Variants in MROH1 observed in about 807,000 individuals in gnomAD.
MROH1 encodes maestro heat like repeat family member 1, also known as maestro heat-like repeat-containing protein family member 1.
A neutral mutation model predicts 116.5 loss-of-function variants in MROH1; 117 were observed. The ratio of observed to expected loss-of-function variants is 1.00; its 90% CI spans 0.86 to 1.17. The LOEUF is 1.17. MROH1 is among the 50% of genes most tolerant of loss of function. The probability of loss-of-function intolerance (pLI) is 0.00; values close to 1 mark genes in which losing one functional copy is unlikely to be tolerated. For missense variants in MROH1, 1,873 were observed against 1,338.5 expected, an observed-to-expected ratio of 1.40 and a Z score of -6.23; for synonymous variants, 921 against 583.9, an observed-to-expected ratio of 1.58 and a Z score of -8.32.
chr8:144,241,620 T>A (rs1840993222), intron 22 of MROH1, 103 bp downstream of exon 22: 1 of 762,580 alleles, frequency 1.3e-6, no homozygotes, highest in Admixed American at 1.7e-5. Flanking sequence ...GCTGGTTGCG[T>A]CCCTGGACCA....
Position 144,250,193 on chromosome 8 carries a change from G to C in MROH1, c.3274-19G>C. ...GTCCCCCACGCGTGGCCTGACCACCGTGTCCCGCCCATCTACAGGTGCCCG... is the reference window on the plus strand; with the variant it reads ...GTCCCCCACGCGTGGCCTGACCACCCTGTCCCGCCCATCTACAGGTGCCCG... On this transcript the variant is annotated intron_variant, in intron 32 of 43. Transcript: ENST00000326134. 1 of 763,036 alleles carries C rather than the reference G, an allele frequency of 1.3e-6. No individual in the cohort carries two copies. Among genetic ancestry groups the C allele is most frequent in the Admixed American group, 1.7e-5 (1 of 58,478 alleles). 47.3% of individuals were successfully genotyped at this position (763,036 alleles called of 1,614,324 possible).
At chr8:144,213,292 A>T in intron 12 of MROH1, 1 of 552,238 alleles carries the variant, frequency 1.8e-6, no homozygotes, top group East Asian at 2.7e-5. Context: ...TCATGGGAAC[A>T]TGATCTTCGA....
At chr8:144,235,978 C>T (rs1013066439) in intron 14 of MROH1, among the ~76,000 whole-genome samples, 1 of 152,194 alleles carries the variant, frequency 6.6e-6, no homozygotes, top group Non-Finnish European at 1.5e-5. Flanking sequence ...ATGTTGGAAT[C>T]AGGAAATTCT....
chr8:144,242,277 C>T (rs1471032758), intron 22 of MROH1, 92 bp from the exon 23 acceptor site: 1 of 777,424 alleles, frequency 1.3e-6, no homozygotes, highest in East Asian at 2.4e-5. Flanking sequence ...GGCCCTTCTT[C>T]TGGGAGGATT....
chr8:144,216,673 A>AT lies in MROH1; in HGVS notation c.1142-3921dup, dbSNP rs542653359. On this transcript the variant is annotated intron_variant, in intron 12 of 43. Transcript: ENST00000326134. ...CTTCATTGTATTAATGGTATGTCAT[A>AT]TTTTTTACTGCTTTTTTTTTTTTTT... 1.7e-4 allele frequency among the ~76,000 whole-genome samples: 25 copies of AT among 144,812 alleles called. No individual in the cohort carries two copies. In the South Asian group the frequency reaches 5.4e-3, roughly 31 times the overall value.
rs527724661 is a variant in MROH1 at position 144,173,444 on chromosome 8, G to C, written c.168+5004G>C. On this transcript the variant is annotated intron_variant, in intron 4 of 43. Coordinates refer to ENST00000326134, the MANE Select transcript of MROH1 (RefSeq NM_032450.3). Reference sequence around the variant, plus strand: ...TTTTATTTTATTTTTTTTTTTTTGAGACAGAGTCTCACTCTTGCCCAGGCT... The same window carrying C: ...TTTTATTTTATTTTTTTTTTTTTGACACAGAGTCTCACTCTTGCCCAGGCT... Among the ~76,000 whole-genome samples the C allele has an allele frequency of 2.5e-3, 362 of 145,066 alleles. 2 individuals are homozygous for C. Among genetic ancestry groups the C allele is most frequent in the African/African-American group, 9.0e-3 (351 of 39,122 alleles).
At chr8:144,215,399 CAG>C (rs1835011586) in intron 12 of MROH1, among the ~76,000 whole-genome samples, 2 of 152,192 alleles carry the variant, frequency 1.3e-5, no homozygotes, top group South Asian at 4.1e-4. Context: ...GGACACGTAA[CAG>C]AGCAAGAAAC....
Position 144,190,852 on chromosome 8 carries a change from G to A in MROH1, c.631G>A (p.Val211Ile). Residue 211 changes from valine (V) to isoleucine (I), a missense_variant, in exon 8 of 44, where the codon GTC becomes ATC. By Grantham distance (29) the Val-to-Ile change is conservative. Transcript: ENST00000326134. ...ANLDRAPDPT[V>I]RKDAFATDIF... The stretch of plus-strand genomic sequence containing the variant: ...CCTGGACCGAGCCCCAGACCCCACG[G>A]TCAGGAAGGACGCCTTTGCCACCGA... 3 of 1,613,782 alleles carry A rather than the reference G, an allele frequency of 1.9e-6. No individual in the cohort carries two copies. Among genetic ancestry groups the A allele is most frequent in the Non-Finnish European group, 2.5e-6 (3 of 1,179,872 alleles).
chr8:144,211,150 A>G (rs751235529), intron 12 of MROH1, among the ~76,000 whole-genome samples: 2 of 152,186 alleles, frequency 1.3e-5, no homozygotes, highest in Non-Finnish European at 2.9e-5. Context: ...TTTCTCTGCC[A>G]TCTGAATTTC....
intron 43 of MROH1, 112 bp downstream of exon 43, chr8:144,261,461 C>T (rs1411204831): frequency 1.6e-5 from 11 of 697,486 alleles, no homozygotes; most frequent in Admixed American, 1.4e-4. Flanking sequence ...CACTGGTGAC[C>T]TCATCGTCTC....
chr8:144,221,237 T>A (rs1316962871), intron 13 of MROH1, among the ~76,000 whole-genome samples: 1 of 151,868 alleles, frequency 6.6e-6, no homozygotes, highest in Non-Finnish European at 1.5e-5. Flanking sequence ...CCTCTGGAGG[T>A]GGAGCTGATG....
intron 12 of MROH1, chr8:144,200,757 G>A: frequency 1.8e-6 from 1 of 542,844 alleles, no homozygotes; most frequent in Non-Finnish European, 3.4e-6. Context: ...GCTCACACTT[G>A]CTTTGACAGC....
chr8:144,209,073 G>GTGTGTGTGTA (rs1307650402), intron 12 of MROH1, among the ~76,000 whole-genome samples: 5 of 123,636 alleles, frequency 4.0e-5, no homozygotes, highest in African/African-American at 5.9e-5. Context: ...GTGTGTGTGT[G>GTGTGTGTGTA]TTTAGTGGAG....
intron 1 of MROH1, among the ~76,000 whole-genome samples, chr8:144,154,754 G>A (rs965355523): frequency 1.4e-5 from 2 of 146,926 alleles, no homozygotes; most frequent in South Asian, 2.1e-4. Flanking sequence ...TGCAACCTCC[G>A]CCTCCTGGGT....
chr8:144,225,727 T>A (rs530211987), intron 14 of MROH1, among the ~76,000 whole-genome samples: 6 of 151,654 alleles, frequency 4.0e-5, no homozygotes, highest in Non-Finnish European at 5.9e-5. Flanking sequence ...AATTTTTTAT[T>A]TTTTAAATTT....
At chr8:144,170,484 C>T (rs545776249) in intron 4 of MROH1, among the ~76,000 whole-genome samples, 1 of 152,304 alleles carries the variant, frequency 6.6e-6, no homozygotes, top group South Asian at 2.1e-4. Context: ...AGGTTTGGGT[C>T]ACAGCCTCCA....
chr8:144,247,050 C>A (rs895992793), intron 29 of MROH1, among the ~76,000 whole-genome samples: 81 of 152,340 alleles, frequency 5.3e-4, no homozygotes, highest in African/African-American at 1.9e-3. Flanking sequence ...CTTGTAGGGG[C>A]CCGGCCTGGG....
intron 35 of MROH1, among the ~76,000 whole-genome samples, chr8:144,258,281 C>G (rs1015045669): frequency 7.9e-5 from 12 of 152,188 alleles, no homozygotes; most frequent in Non-Finnish European, 1.3e-4. Context: ...CTCCAGCTCT[C>G]GGCACCATCC....
intron 14 of MROH1, among the ~76,000 whole-genome samples, chr8:144,236,635 C>T (rs886297029): frequency 6.6e-6 from 1 of 151,466 alleles, no homozygotes; most frequent in Non-Finnish European, 1.5e-5. Flanking sequence ...CTCAGCTACT[C>T]GGGAGGCTGA....
Sources: allele counts gnomAD v4.1 joint callset (sites outside exome capture counted in the v4.1 genomes callset), GRCh38; gene constraint gnomAD v4.1.1; transcripts MANE v1.5; gene names NCBI Gene and HGNC (gene_info 2026-07-23, HGNC 2026-07-21).